The following CD44 variants were observed in gnomAD, a reference collection of about 807,000 sequenced individuals.
CD44 encodes CD44 molecule (IN blood group), also known as CD44 antigen.
Under a neutral mutation model 88.8 loss-of-function variants are expected in CD44, and 49 were observed. That is an observed-to-expected ratio of 0.55 (90% CI 0.44 to 0.70). The LOEUF is 0.70. Among genes scored for constraint, CD44 ranks in the 30% least tolerant of loss-of-function variants. The pLI is 0.00. For missense variants in CD44, 883 were observed against 913.8 expected, an observed-to-expected ratio of 0.97 and a Z score of 0.43; for synonymous variants, 325 against 312.3, an observed-to-expected ratio of 1.04 and a Z score of -0.43.
intron 1 of CD44, among the ~76,000 whole-genome samples, chr11:35,168,553 G>C (rs1943548246): frequency 6.6e-6 from 1 of 152,218 alleles, no homozygotes. Context: ...CCATTGAGTA[G>C]CAGGAACTGG....
intron 1 of CD44, among the ~76,000 whole-genome samples, chr11:35,148,659 A>G (rs1859690028): frequency 1.3e-5 from 2 of 152,256 alleles, no homozygotes; most frequent in South Asian, 4.1e-4. Flanking sequence ...GCCAGTGAGC[A>G]TAAAAGCTCC....
intron 1 of CD44, among the ~76,000 whole-genome samples, chr11:35,153,065 A>C (rs1019347013): frequency 2.7e-4 from 41 of 152,364 alleles, no homozygotes; most frequent in African/African-American, 9.9e-4. Flanking sequence ...GGAATTATGT[A>C]GCCAACTTGT....
chr11:35,194,346 A>G (rs1475171992), intron 5 of CD44, among the ~76,000 whole-genome samples: 1 of 152,242 alleles, frequency 6.6e-6, no homozygotes, highest in African/African-American at 2.4e-5. Context: ...AGATACAGAC[A>G]TCATATATAG....
At chr11:35,154,444 A>T (rs1395904997) in intron 1 of CD44, among the ~76,000 whole-genome samples, 1 of 152,244 alleles carries the variant, frequency 6.6e-6, no homozygotes, top group South Asian at 2.1e-4. Flanking sequence ...GAACAGCGAG[A>T]TAGTTGTGCT....
At chr11:35,214,993 T>C in intron 15 of CD44, 79 bp downstream of exon 15, 1 of 848,684 alleles carries the variant, frequency 1.2e-6, no homozygotes, top group Non-Finnish European at 1.7e-6. Flanking sequence ...TATGAGTCAG[T>C]GTCTCCAGAG....
chr11:35,223,230 T>C (rs548850677), intron 17 of CD44: 1 of 985,320 alleles, frequency 1.0e-6, no homozygotes, highest in African/African-American at 1.7e-5. Context: ...TAATGTGACT[T>C]GGGGGAGCCT....
chr11:35,150,744 CA>C (rs1217568957), intron 1 of CD44, among the ~76,000 whole-genome samples: 1 of 152,204 alleles, frequency 6.6e-6, no homozygotes, highest in East Asian at 1.9e-4. Flanking sequence ...CATACAGACA[CA>C]GTATTCTAGG....
chr11:35,206,789 T>C (rs992215490), intron 11 of CD44, among the ~76,000 whole-genome samples: 6 of 152,184 alleles, frequency 3.9e-5, no homozygotes, highest in African/African-American at 1.4e-4. Flanking sequence ...TGTGTTTGAA[T>C]GGCTAGGCAG....
chr11:35,214,340 A>G (rs1181575662), intron 14 of CD44, among the ~76,000 whole-genome samples: 1 of 152,066 alleles, frequency 6.6e-6, no homozygotes, highest in Non-Finnish European at 1.5e-5. Context: ...GAATCTTTAC[A>G]TCATTCAATC....
chr11:35,145,971 A>G (rs910550568), intron 1 of CD44, among the ~76,000 whole-genome samples: 3 of 151,996 alleles, frequency 2.0e-5, no homozygotes, highest in African/African-American at 4.8e-5. Context: ...GAAATTACCC[A>G]TAACTGGGGC....
intron 1 of CD44, among the ~76,000 whole-genome samples, chr11:35,146,219 G>T (rs1859131390): frequency 6.6e-6 from 1 of 152,172 alleles, no homozygotes; most frequent in South Asian, 2.1e-4. Flanking sequence ...GAGTCACCAA[G>T]GAGGTGATTT....
At chr11:35,177,592 C>G (rs534613623) in intron 2 of CD44, among the ~76,000 whole-genome samples, 3 of 152,348 alleles carry the variant, frequency 2.0e-5, no homozygotes, top group Middle Eastern at 3.4e-3. Context: ...GCAACACACA[C>G]TCACATGCAC....
intron 13 of CD44, chr11:35,210,352 T>G (rs1948275780): frequency 5.7e-6 from 1 of 176,374 alleles, no homozygotes; most frequent in African/African-American, 2.4e-5. Context: ...TATTTATTTT[T>G]GTTAACTTGA....
chr11:35,166,110 C>T (rs958466559), intron 1 of CD44, among the ~76,000 whole-genome samples: 1 of 152,096 alleles, frequency 6.6e-6, no homozygotes, highest in Non-Finnish European at 1.5e-5. Flanking sequence ...CTATTTGGGC[C>T]CCAAGATGCT....
intron 1 of CD44, among the ~76,000 whole-genome samples, chr11:35,139,917 C>T (rs1286784194): frequency 6.6e-6 from 1 of 152,224 alleles, no homozygotes; most frequent in African/African-American, 2.4e-5. Context: ...GAGCCTTGTT[C>T]CAAAGCTTAC....
chr11:35,203,380 A>G (rs995296118), intron 9 of CD44, among the ~76,000 whole-genome samples: 29 of 152,128 alleles, frequency 1.9e-4, no homozygotes, highest in African/African-American at 7.0e-4. Flanking sequence ...ATAGCAGTCT[A>G]TGTTTGGGTC....
intron 2 of CD44, among the ~76,000 whole-genome samples, chr11:35,179,362 T>G (rs1944771181): frequency 6.6e-6 from 1 of 152,232 alleles, no homozygotes; most frequent in Non-Finnish European, 1.5e-5. Context: ...ACATCTCATT[T>G]TTTGAGGCAT....
Position 35,195,512 on chromosome 11 carries a change from A to C in CD44, c.668-1234A>C, listed in dbSNP as rs1487573809. On this transcript the variant is annotated intron_variant, in intron 5 of 17. Coordinates refer to ENST00000428726, the MANE Select transcript of CD44 (RefSeq NM_000610.4). ...TTCATAGGACAAAGAATGTGAAGGA[A>C]AAGGTCTTTTTGGCAGTGTTTCATC... Among the ~76,000 whole-genome samples, 3 of 152,082 alleles carry C rather than the reference A, an allele frequency of 2.0e-5. No homozygotes were observed. In the East Asian group the frequency reaches 5.8e-4, roughly 29 times the overall value.
chr11:35,217,760 A>G lies in CD44; in HGVS notation c.1874-1556A>G, dbSNP rs77086874. 5.5e-3 allele frequency among the ~76,000 whole-genome samples: 835 copies of G among 152,272 alleles called. 8 individuals carry two copies. Among genetic ancestry groups the G allele is most frequent in the African/African-American group, 0.019 (789 of 41,542 alleles). On this transcript the variant is annotated intron_variant, in intron 15 of 17. Transcript: ENST00000428726. The stretch of plus-strand genomic sequence containing the variant: ...AAGACCCCACCATTTTCATCCATTG[A>G]TCAGCCTTCAGGATTCTACAGTGGG...
Sources: gnomAD v4.1 joint callset for allele counts (sites outside exome capture counted in the v4.1 genomes callset) on GRCh38, gnomAD v4.1.1 for gene constraint, MANE v1.5 for transcripts, NCBI Gene and HGNC (gene_info 2026-07-23, HGNC 2026-07-21) for gene names.